PDZRN4: variants seen among roughly 807,000 people sequenced by gnomAD.
PDZRN4 encodes PDZ domain containing ring finger 4.
A neutral mutation model predicts 99.0 loss-of-function variants in PDZRN4; 70 were observed. The ratio of observed to expected loss-of-function variants is 0.71; its 90% CI spans 0.58 to 0.86. The LOEUF (loss-of-function observed/expected upper bound fraction) is 0.86, where lower values mean the gene tolerates loss of function less well. Among genes scored for constraint, PDZRN4 ranks in the 40% least tolerant of loss-of-function variants. The pLI, the probability that PDZRN4 is intolerant of heterozygous loss-of-function variation, is 0.00. For synonymous variants in PDZRN4, 551 were observed against 501.6 expected (o/e 1.10, Z -1.32); for missense variants, 1,474 against 1,331.2 (o/e 1.11, Z -1.67).
At chr12:41,309,070 C>A (rs1951589093) in intron 3 of PDZRN4, among the ~76,000 whole-genome samples, 1 of 151,892 alleles carries the variant, frequency 6.6e-6, no homozygotes, top group Admixed American at 6.6e-5. Context: ...CTACAATACT[C>A]CCCTCAAAAA....
chr12:41,444,486 G>C (rs574808907), intron 3 of PDZRN4, among the ~76,000 whole-genome samples: 3 of 152,060 alleles, frequency 2.0e-5, no homozygotes, highest in African/African-American at 7.2e-5. Context: ...TAAACATCTT[G>C]CACACTACAT....
At chr12:41,408,805 G>C in intron 3 of PDZRN4, among the ~76,000 whole-genome samples, 1 of 147,950 alleles carries the variant, frequency 6.8e-6, no homozygotes, top group Non-Finnish European at 1.5e-5. Flanking sequence ...CTCTGTCTCT[G>C]TCTCTCTTGC....
chr12:41,277,073 C>G (rs1245084371), intron 3 of PDZRN4, among the ~76,000 whole-genome samples: 2 of 152,122 alleles, frequency 1.3e-5, no homozygotes, highest in African/African-American at 4.8e-5. Flanking sequence ...AAAAGAGATT[C>G]ACTTCTAGCA....
chr12:41,436,708 C>A (rs2120454614), intron 3 of PDZRN4, among the ~76,000 whole-genome samples: 2 of 152,244 alleles, frequency 1.3e-5, no homozygotes, highest in East Asian at 3.9e-4. Context: ...ACAAAAACTG[C>A]CAGCTTGCAA....
intron 3 of PDZRN4, among the ~76,000 whole-genome samples, chr12:41,325,428 T>A (rs560703192): frequency 2.0e-5 from 3 of 152,316 alleles, no homozygotes; most frequent in African/African-American, 7.2e-5. Context: ...AACTGGATTA[T>A]CAGAAATAGT....
rs1256698570 is a variant in PDZRN4 at position 41,438,072 on chromosome 12, C to T, written c.844-68384C>T. 224 of 1,564,594 alleles carry T rather than the reference C, an allele frequency of 1.4e-4. 6 individuals carry two copies. In the South Asian group the frequency reaches 2.0e-3, roughly 14 times the overall value. ...CCAGGCTTTGTGTTTGTCTGAAAGA[C>T]GGTAAATGAATTCTGGCTAGCTTTA... On this transcript the variant is annotated intron_variant, in intron 3 of 9. Coordinates refer to ENST00000402685, the MANE Select transcript of PDZRN4 (RefSeq NM_001164595.2).
At position 41,420,498 on chromosome 12, in the gene PDZRN4, C is replaced by T. The variant is rs114069836; in HGVS notation, c.844-85958C>T. 1.5e-3 allele frequency among the ~76,000 whole-genome samples: 232 copies of T among 152,210 alleles called. 1 individual carries two copies. Among genetic ancestry groups the T allele is most frequent in the African/African-American group, 5.3e-3 (220 of 41,526 alleles). Reference sequence around the variant, plus strand: ...TTCCTCATTCAACTCGGCACAGCCCCCTCTGCCTTACTCTTAAGTAGCTCT... The same window carrying T: ...TTCCTCATTCAACTCGGCACAGCCCTCTCTGCCTTACTCTTAAGTAGCTCT... On this transcript the variant is annotated intron_variant, in intron 3 of 9. Transcript: ENST00000402685.
chr12:41,209,859 C>A (rs1172105160), intron 3 of PDZRN4, among the ~76,000 whole-genome samples: 1 of 149,522 alleles, frequency 6.7e-6, no homozygotes, highest in Admixed American at 6.8e-5. Context: ...TGGGTATATA[C>A]CCAGTAACGG....
intron 3 of PDZRN4, among the ~76,000 whole-genome samples, chr12:41,383,192 C>T (rs1465650661): frequency 2.0e-5 from 3 of 152,156 alleles, no homozygotes; most frequent in Non-Finnish European, 4.4e-5. Flanking sequence ...TGAATGAGGA[C>T]TTTGGCACCT....
intron 3 of PDZRN4, among the ~76,000 whole-genome samples, chr12:41,434,816 T>A (rs1014674478): frequency 1.1e-4 from 17 of 152,206 alleles, no homozygotes; most frequent in Non-Finnish European, 2.5e-4. Context: ...CTACTTATTT[T>A]TTATCCCGTA....
rs769311362 is a variant in PDZRN4, at chr12:41,188,635, G to A, written c.180G>A (p.Ala60=). The A allele has an allele frequency of 1.3e-5, 20 of 1,540,464 alleles. No individual in the cohort carries two copies. In the East Asian group the frequency reaches 4.4e-4, roughly 34 times the overall value. The change falls in exon 1 of 10, where the codon GCG becomes GCA. Residue 60 remains alanine, a synonymous_variant. Coordinates refer to ENST00000402685, the MANE Select transcript of PDZRN4 (RefSeq NM_001164595.2). ...GCCCGCTGCAGTGCCAGCCCTTGGC[G>A]CCCGGCGAGCTGTACCGGGTGCTGC... ...RRCPLQCQPL[A]PGELYRVLPL... is the part of the protein sequence containing the mutation.
At chr12:41,405,380 A>T (rs575367217) in intron 3 of PDZRN4, among the ~76,000 whole-genome samples, 29 of 152,356 alleles carry the variant, frequency 1.9e-4, no homozygotes, top group African/African-American at 6.7e-4. Context: ...AGAAATGCAA[A>T]TCAAAACCAC....
chr12:41,270,897 T>C (rs1485403830), intron 3 of PDZRN4, among the ~76,000 whole-genome samples: 1 of 152,150 alleles, frequency 6.6e-6, no homozygotes, highest in Non-Finnish European at 1.5e-5. Context: ...TTTCCTAAAC[T>C]GATTTAGTGA....
intron 3 of PDZRN4, among the ~76,000 whole-genome samples, chr12:41,492,492 A>G (rs1397046969): frequency 6.6e-6 from 1 of 152,172 alleles, no homozygotes; most frequent in Non-Finnish European, 1.5e-5. Flanking sequence ...ATGTTGCTGC[A>G]AGGAAGAGCG....
intron 3 of PDZRN4, among the ~76,000 whole-genome samples, chr12:41,429,298 T>C (rs961930659): frequency 3.3e-4 from 50 of 152,160 alleles, no homozygotes; most frequent in African/African-American, 1.2e-3. Flanking sequence ...CCATAATAAC[T>C]ACCAAGAAGG....
At chr12:41,363,748 T>C (rs1951978487) in intron 3 of PDZRN4, among the ~76,000 whole-genome samples, 1 of 141,482 alleles carries the variant, frequency 7.1e-6, no homozygotes, top group Admixed American at 7.3e-5. Context: ...ATGCATTTGT[T>C]TGGCAGGTCC....
At chr12:41,542,667 T>A (rs1938878280) in intron 5 of PDZRN4, among the ~76,000 whole-genome samples, 1 of 152,174 alleles carries the variant, frequency 6.6e-6, no homozygotes, top group Non-Finnish European at 1.5e-5. Context: ...TGAATGAAAG[T>A]CAGGAGGCCT....
chr12:41,222,809 G>C (rs1950966808), intron 3 of PDZRN4, among the ~76,000 whole-genome samples: 1 of 152,144 alleles, frequency 6.6e-6, no homozygotes, highest in South Asian at 2.1e-4. Flanking sequence ...ACAGGCATGA[G>C]CCACCACACC....
rs769305076 is a variant in PDZRN4 at position 41,188,516 on chromosome 12, T to C, written c.61T>C (p.Cys21Arg). The change falls in exon 1 of 10, where the codon TGC becomes CGC. Residue 21 changes from cysteine (C) to arginine (R), a missense_variant. Physicochemically the swap from Cys to Arg is radical, Grantham distance 180 (BLOSUM62 -3). Transcript: ENST00000402685. ...GGACCCGGCTCTGGAGTGCAAACTG[T>C]GCGGCCAGGTGCTTGAAGAGCCCCT... is the stretch of plus-strand genomic sequence containing the variant. ...AVDPALECKL[C>R]GQVLEEPLCT... 2 of 1,586,878 alleles carry C rather than the reference T, an allele frequency of 1.3e-6. No individual in the cohort carries two copies. Among genetic ancestry groups the C allele is most frequent in the Non-Finnish European group, 1.7e-6 (2 of 1,174,596 alleles).
Sources: allele counts gnomAD v4.1 joint callset (sites outside exome capture counted in the v4.1 genomes callset), GRCh38; gene constraint gnomAD v4.1.1; transcripts MANE v1.5; gene names NCBI Gene and HGNC (gene_info 2026-07-23, HGNC 2026-07-21).